NCALD: variants seen among roughly 807,000 people sequenced by gnomAD.
The protein encoded by NCALD is neurocalcin delta.
In NCALD, 10 loss-of-function variants were observed where a neutral mutation model predicts 18.6. That is an observed-to-expected ratio of 0.54 (90% CI 0.33 to 0.91). NCALD has a LOEUF of 0.91. Among genes scored for constraint, NCALD ranks in the 40% least tolerant of loss-of-function variants. The probability of loss-of-function intolerance (pLI) is 0.03; values close to 1 mark genes in which losing one functional copy is unlikely to be tolerated. For synonymous variants in NCALD, 88 were observed against 87.4 expected, an observed-to-expected ratio of 1.01 and a Z score of -0.04; for missense variants, 184 against 247.6, an observed-to-expected ratio of 0.74 and a Z score of 1.72.
chr8:101,952,639 C>A (rs1456190891), intron 2 of NCALD, among the ~76,000 whole-genome samples: 1 of 152,238 alleles, frequency 6.6e-6, no homozygotes, highest in Non-Finnish European at 1.5e-5. Flanking sequence ...GCTCCCAAAG[C>A]CCACAGGGCC....
chr8:102,111,571 G>C (rs1283734329), intron 1 of NCALD, among the ~76,000 whole-genome samples: 1 of 152,062 alleles, frequency 6.6e-6, no homozygotes, highest in African/African-American at 2.4e-5. Context: ...AAAAGAGTGA[G>C]AGCCAAAGGA....
rs1366097109 is a variant in NCALD at position 101,925,651 on chromosome 8, C to T, written c.-156-9793G>A. ...CAAGTGGCAATGGTGCCAATGATGT[C>T]CTTGAGGGCATGGGATTTCTTTGAG... On this transcript the variant is annotated intron_variant, in intron 2 of 6. Coordinates refer to the NCALD transcript ENST00000311028. 2.0e-5 allele frequency among the ~76,000 whole-genome samples: 3 copies of T among 152,072 alleles called. No individual in the cohort carries two copies. In the East Asian group the frequency reaches 5.8e-4, roughly 29 times the overall value.
intron 3 of NCALD, among the ~76,000 whole-genome samples, chr8:101,912,699 T>C (rs561239100): frequency 6.6e-6 from 1 of 152,262 alleles, no homozygotes; most frequent in African/African-American, 2.4e-5. Flanking sequence ...ATCTGTTTTG[T>C]AATTCTCCTA....
At chr8:101,851,798 T>C (rs1815102826) in intron 4 of NCALD, among the ~76,000 whole-genome samples, 1 of 152,146 alleles carries the variant, frequency 6.6e-6, no homozygotes, top group South Asian at 2.1e-4. Context: ...AGCTGGGGTA[T>C]TGATTTTATT....
At chr8:101,703,502 G>A (rs889079436) in intron 2 of NCALD, among the ~76,000 whole-genome samples, 2 of 152,132 alleles carry the variant, frequency 1.3e-5, no homozygotes, top group African/African-American at 2.4e-5. Context: ...CCTCCCACCC[G>A]AAGCAGCAGC....
intron 1 of NCALD, among the ~76,000 whole-genome samples, chr8:102,028,763 C>T (rs557741284): frequency 6.6e-6 from 1 of 152,248 alleles, no homozygotes; most frequent in South Asian, 2.1e-4. Context: ...TATGATGCAG[C>T]CCCAACCTTC....
intron 4 of NCALD, among the ~76,000 whole-genome samples, chr8:101,843,475 A>G (rs1041806598): frequency 6.6e-6 from 1 of 151,604 alleles, no homozygotes; most frequent in Non-Finnish European, 1.5e-5. Flanking sequence ...CAACTAAACT[A>G]TCTCTGCCCT....
intron 1 of NCALD, among the ~76,000 whole-genome samples, chr8:102,082,820 A>T (rs561002602): frequency 2.2e-4 from 33 of 152,298 alleles, no homozygotes; most frequent in Non-Finnish European, 4.0e-4. Flanking sequence ...CGCAGGGCGC[A>T]ACTGTAATGG....
intron 1 of NCALD, among the ~76,000 whole-genome samples, chr8:101,732,467 T>C (rs1351854617): frequency 1.3e-5 from 2 of 152,128 alleles, no homozygotes; most frequent in African/African-American, 2.4e-5. Flanking sequence ...CACACATGTG[T>C]TTAACATCTA....
chr8:101,931,654 T>C (rs1298113445), intron 2 of NCALD, among the ~76,000 whole-genome samples: 1 of 129,680 alleles, frequency 7.7e-6, no homozygotes, highest in Non-Finnish European at 1.5e-5. Context: ...CGTATTTTCT[T>C]TGTTTGTTTG....
At chr8:101,717,767 G>T (rs535370250) in intron 2 of NCALD, among the ~76,000 whole-genome samples, 2 of 152,248 alleles carry the variant, frequency 1.3e-5, no homozygotes, top group East Asian at 3.9e-4. Flanking sequence ...TTCAAAAAGG[G>T]AGGGAAAAAA....
At chr8:102,075,948 T>C (rs1382459343) in intron 1 of NCALD, among the ~76,000 whole-genome samples, 1 of 147,778 alleles carries the variant, frequency 6.8e-6, no homozygotes, top group African/African-American at 2.5e-5. Flanking sequence ...CGAGATTCTG[T>C]CTCAAAAAAA....
intron 2 of NCALD, among the ~76,000 whole-genome samples, chr8:102,005,439 C>G (rs1409554978): frequency 6.6e-6 from 1 of 152,164 alleles, no homozygotes; most frequent in East Asian, 1.9e-4. Context: ...GGACTGTAAA[C>G]TAGTTCAACC....
intron 2 of NCALD, among the ~76,000 whole-genome samples, chr8:101,938,995 G>T (rs1194913998): frequency 6.6e-6 from 1 of 152,240 alleles, no homozygotes; most frequent in Non-Finnish European, 1.5e-5. Flanking sequence ...ATCTATCAGT[G>T]CTTGGATCTG....
At chr8:101,812,699 C>A (rs532837037) in intron 4 of NCALD, among the ~76,000 whole-genome samples, 2 of 152,140 alleles carry the variant, frequency 1.3e-5, no homozygotes, top group African/African-American at 4.8e-5. Context: ...AACAATGGAA[C>A]CTTCTAAAAG....
intron 1 of NCALD, among the ~76,000 whole-genome samples, chr8:101,737,599 T>C (rs575863014): frequency 7.2e-5 from 11 of 152,336 alleles, no homozygotes; most frequent in African/African-American, 2.4e-4. Flanking sequence ...TCCAGCCCTA[T>C]AAAGGAAGCT....
intron 2 of NCALD, among the ~76,000 whole-genome samples, chr8:101,975,785 T>C (rs1393301764): frequency 7.9e-5 from 12 of 152,220 alleles, no homozygotes; most frequent in Non-Finnish European, 1.3e-4. Context: ...GTTCCTCTGG[T>C]GGGCTTCTGT....
Position 101,993,080 on chromosome 8 carries a change from A to G in NCALD, c.-157+27157T>C, listed in dbSNP as rs1412241020. Among the ~76,000 whole-genome samples, 29 of 147,876 alleles carry G rather than the reference A, an allele frequency of 2.0e-4. No homozygotes were observed. The Admixed American group carries it at 2.0e-3, about 10-fold the overall frequency. On this transcript the variant is annotated intron_variant, in intron 2 of 6. Coordinates refer to the NCALD transcript ENST00000311028. ...GGATGGCAGGGGCATGCAAAGGGTC[A>G]AAGGGACAAGCCCTACTTAGAGTAA...
At position 101,912,737 on chromosome 8, in the gene NCALD, C is replaced by T. The variant is rs148074414; in HGVS notation, c.-107+3072G>A. Reference sequence around the variant, plus strand: ...GTAGAGGACACACCCTCAGGTGATCCCCACTGAGTCATGTCCTATGTAATC... The same window carrying T: ...GTAGAGGACACACCCTCAGGTGATCTCCACTGAGTCATGTCCTATGTAATC... On this transcript the variant is annotated intron_variant, in intron 3 of 6. Coordinates refer to the NCALD transcript ENST00000311028. 1.8e-3 allele frequency among the ~76,000 whole-genome samples: 281 copies of T among 152,330 alleles called. 1 individual carries two copies. The highest frequency in any genetic ancestry group is 6.6e-3 in the African/African-American group (273 of 41,574).
Sources: gnomAD v4.1 joint callset for allele counts (sites outside exome capture counted in the v4.1 genomes callset) on GRCh38, gnomAD v4.1.1 for gene constraint, MANE v1.5 for transcripts, NCBI Gene and HGNC (gene_info 2026-07-23, HGNC 2026-07-21) for gene names.